Variants in DCDC1 observed in about 807,000 individuals in gnomAD.
The protein encoded by DCDC1 is doublecortin domain containing 1.
A neutral mutation model predicts 178.3 loss-of-function variants in DCDC1; 200 were observed. The observed-to-expected ratio is 1.12, with a 90% CI of 1.00 to 1.26. The LOEUF is 1.26. Ranked by LOEUF, DCDC1 falls within the 50% of genes most tolerant of loss-of-function variation. The pLI is 0.00. For synonymous variants in DCDC1, 690 were observed against 604.8 expected, an observed-to-expected ratio of 1.14 and a Z score of -2.07; for missense variants, 1,983 against 1,749.2, an observed-to-expected ratio of 1.13 and a Z score of -2.38.
chr11:31,199,773 C>A (rs576741833), intron 9 of DCDC1, among the ~76,000 whole-genome samples: 1 of 152,086 alleles, frequency 6.6e-6, no homozygotes, highest in African/African-American at 2.4e-5. Flanking sequence ...GATACCAACA[C>A]TACTCTCAGG....
intron 9 of DCDC1, among the ~76,000 whole-genome samples, chr11:31,188,251 C>T (rs1969740236): frequency 6.6e-6 from 1 of 151,858 alleles, no homozygotes; most frequent in African/African-American, 2.4e-5. Context: ...CGGCTTCCTG[C>T]TCTAAGGCCC....
At chr11:31,197,165 C>T (rs1970790008) in intron 9 of DCDC1, among the ~76,000 whole-genome samples, 1 of 151,972 alleles carries the variant, frequency 6.6e-6, no homozygotes, top group Non-Finnish European at 1.5e-5. Flanking sequence ...AGGAAACTAT[C>T]TTAGTGATGT....
intron 11 of DCDC1, among the ~76,000 whole-genome samples, chr11:31,113,065 T>C (rs184083480): frequency 8.5e-4 from 130 of 152,240 alleles, no homozygotes; most frequent in South Asian, 5.4e-3. Flanking sequence ...TATAATTTAG[T>C]GGGTCTTCTT....
At chr11:31,174,694 G>A (rs994083301) in intron 9 of DCDC1, among the ~76,000 whole-genome samples, 24 of 152,148 alleles carry the variant, frequency 1.6e-4, no homozygotes, top group African/African-American at 5.8e-4. Context: ...CCTCCCCTCT[G>A]AAGCCCATTA....
At chr11:31,331,317 T>C (rs1320593563) in intron 2 of DCDC1, among the ~76,000 whole-genome samples, 4 of 152,222 alleles carry the variant, frequency 2.6e-5, no homozygotes, top group Non-Finnish European at 5.9e-5. Context: ...TACAATCATG[T>C]CATCTGCAAA....
At position 31,100,973 on chromosome 11, in the gene DCDC1, C is replaced by T. The variant is rs180815449; in HGVS notation, c.1983+1204G>A. On this transcript the variant is annotated intron_variant, in intron 15 of 38. Transcript: ENST00000684477. ...TAATCTTCTATATTTTCTCAAAACCCGGCAGAAGTAGAAATATTTGATTCT... is the reference window on the plus strand; with the variant it reads ...TAATCTTCTATATTTTCTCAAAACCTGGCAGAAGTAGAAATATTTGATTCT... 7.9e-3 allele frequency among the ~76,000 whole-genome samples: 1,200 copies of T among 152,208 alleles called. 7 individuals are homozygous for T. Among genetic ancestry groups the T allele is most frequent in the Non-Finnish European group, 0.014 (952 of 67,996 alleles).
intron 20 of DCDC1, among the ~76,000 whole-genome samples, chr11:31,013,626 T>C (rs915227725): frequency 3.3e-5 from 5 of 152,200 alleles, no homozygotes; most frequent in African/African-American, 9.7e-5. Flanking sequence ...AGAATATTAT[T>C]GAAAACAGTG....
intron 20 of DCDC1, among the ~76,000 whole-genome samples, chr11:31,041,827 A>G (rs1246932661): frequency 6.6e-6 from 1 of 152,186 alleles, no homozygotes; most frequent in Admixed American, 6.5e-5. Flanking sequence ...GATGACCTTT[A>G]TGGAGAAATC....
intron 20 of DCDC1, among the ~76,000 whole-genome samples, chr11:30,957,817 T>C (rs1171585757): frequency 1.3e-5 from 2 of 152,168 alleles, no homozygotes; most frequent in East Asian, 3.9e-4. Context: ...TCCTATATTG[T>C]ACAATGGAAG....
chr11:31,241,740 A>C (rs1329743601), intron 8 of DCDC1, 124 bp from the exon 9 acceptor site: 1 of 387,976 alleles, frequency 2.6e-6, no homozygotes, highest in Non-Finnish European at 4.6e-6. Context: ...GACCTGGGTT[A>C]AGTCTTAGAG....
intron 11 of DCDC1, among the ~76,000 whole-genome samples, chr11:31,116,653 T>C (rs1960009651): frequency 6.6e-6 from 1 of 152,062 alleles, no homozygotes; most frequent in Admixed American, 6.5e-5. Context: ...ATTAAAATTA[T>C]GGGATTCTGG....
At chr11:31,310,395 T>C (rs1158810944) in intron 3 of DCDC1, among the ~76,000 whole-genome samples, 2 of 135,172 alleles carry the variant, frequency 1.5e-5, no homozygotes, top group Non-Finnish European at 3.1e-5. Context: ...CTCAGCTCAC[T>C]GCAACATCTG....
At chr11:30,871,598 C>T (rs189731452) in intron 38 of DCDC1, among the ~76,000 whole-genome samples, 6 of 152,158 alleles carry the variant, frequency 3.9e-5, no homozygotes, top group Admixed American at 2.0e-4. Context: ...TTATATAGCA[C>T]TGATATTATT....
In DCDC1 at chr11:31,362,626, T is replaced by G. The variant is rs1293690890; in HGVS notation, c.-125+7071A>C. On this transcript the variant is annotated intron_variant, in intron 1 of 38. Transcript: ENST00000684477. ...TCATTTGTCTGTTACTTTAACTATC[T>G]ATCACACCAAAAAACTCATTAAAGA... Among the ~76,000 whole-genome samples, 5 of 152,118 alleles carry G rather than the reference T, an allele frequency of 3.3e-5. No homozygotes were observed. The East Asian group carries it at 9.6e-4, about 29-fold the overall frequency.
chr11:30,985,925 C>T (rs1950617169), intron 20 of DCDC1, among the ~76,000 whole-genome samples: 1 of 151,974 alleles, frequency 6.6e-6, no homozygotes, highest in African/African-American at 2.4e-5. Context: ...CCTGATATTC[C>T]TAACATTCAA....
At chr11:31,051,245 G>T (rs1485565972) in intron 20 of DCDC1, among the ~76,000 whole-genome samples, 1 of 151,998 alleles carries the variant, frequency 6.6e-6, no homozygotes, top group Non-Finnish European at 1.5e-5. Context: ...CAAAGACAAG[G>T]TCTTCAAATT....
At chr11:31,021,804 T>A (rs1028172509) in intron 20 of DCDC1, among the ~76,000 whole-genome samples, 1 of 152,194 alleles carries the variant, frequency 6.6e-6, no homozygotes, top group African/African-American at 2.4e-5. Flanking sequence ...TCCTCTTAAA[T>A]AACTCTGGGA....
At chr11:31,259,514 T>C (rs1352818596) in intron 8 of DCDC1, among the ~76,000 whole-genome samples, 12 of 152,202 alleles carry the variant, frequency 7.9e-5, no homozygotes, top group Admixed American at 5.2e-4. Context: ...GTAAATACTA[T>C]AATTCCTATC....
At chr11:31,173,508 T>C (rs1967531206) in intron 9 of DCDC1, among the ~76,000 whole-genome samples, 1 of 152,200 alleles carries the variant, frequency 6.6e-6, no homozygotes, top group Non-Finnish European at 1.5e-5. Flanking sequence ...CTCTGGATTG[T>C]ATAAATTAGA....
Sources: gnomAD v4.1 joint callset for allele counts (sites outside exome capture counted in the v4.1 genomes callset) on GRCh38, gnomAD v4.1.1 for gene constraint, MANE v1.5 for transcripts, NCBI Gene and HGNC (gene_info 2026-07-23, HGNC 2026-07-21) for gene names.